GTF2F2: variants seen among roughly 807,000 people sequenced by gnomAD.
GTF2F2 encodes ATP-dependent helicase GTF2F2.
GTF2F2 carries 23 observed loss-of-function variants against 42.2 expected under a neutral mutation model. The observed-to-expected ratio is 0.55, with a 90% confidence interval of 0.39 to 0.77. The LOEUF (loss-of-function observed/expected upper bound fraction) is 0.77. Among genes scored for constraint, GTF2F2 ranks in the 30% least tolerant of loss-of-function variants. The pLI, the probability that GTF2F2 is intolerant of heterozygous loss-of-function variation, is 0.00. For missense variants in GTF2F2, 261 were observed against 287.2 expected, an observed-to-expected ratio of 0.91 and a Z score of 0.66; for synonymous variants, 105 against 100.8, an observed-to-expected ratio of 1.04 and a Z score of -0.25.
intron 1 of GTF2F2, among the ~76,000 whole-genome samples, chr13:45,126,591 G>T (rs1022946274): frequency 5.3e-5 from 8 of 152,180 alleles, no homozygotes; most frequent in Non-Finnish European, 4.4e-5. Context: ...GAGTGAATGG[G>T]TGGGCAGATT....
At chr13:45,160,873 A>G (rs777881797) in intron 4 of GTF2F2, among the ~76,000 whole-genome samples, 2 of 152,042 alleles carry the variant, frequency 1.3e-5, no homozygotes, top group Non-Finnish European at 2.9e-5. Flanking sequence ...CATTCTTTCA[A>G]GTAACAATGA....
At chr13:45,198,611 C>T (rs979682343) in intron 4 of GTF2F2, among the ~76,000 whole-genome samples, 5 of 152,120 alleles carry the variant, frequency 3.3e-5, no homozygotes, top group Admixed American at 6.5e-5. Flanking sequence ...ATTCCCATTA[C>T]CTTAGAAAGA....
At chr13:45,207,213 T>TA (rs941660613) in intron 4 of GTF2F2, 9 of 477,042 alleles carry the variant, frequency 1.9e-5, no homozygotes, top group African/African-American at 1.7e-4. Context: ...AGCAGCCTAA[T>TA]AAACAAATCT....
At chr13:45,262,434 T>C (rs922500366) in intron 6 of GTF2F2, among the ~76,000 whole-genome samples, 1 of 152,208 alleles carries the variant, frequency 6.6e-6, no homozygotes, top group African/African-American at 2.4e-5. Context: ...GTTAAATCTT[T>C]AATTTATTTT....
intron 4 of GTF2F2, among the ~76,000 whole-genome samples, chr13:45,191,930 A>T (rs1872675498): frequency 6.6e-6 from 1 of 152,156 alleles, no homozygotes; most frequent in Non-Finnish European, 1.5e-5. Flanking sequence ...AGATCTGTTC[A>T]GCTATATCTC....
At chr13:45,149,918 A>G (rs9534044) in intron 3 of GTF2F2, 130 bp downstream of exon 3, 153,761 of 813,572 alleles carry the variant, frequency 0.19, 16,499 homozygotes, top group Non-Finnish European at 0.21. Flanking sequence ...AGAACACATA[A>G]AGGTATAAAT....
intron 4 of GTF2F2, among the ~76,000 whole-genome samples, chr13:45,189,361 A>G (rs1332731635): frequency 2.6e-5 from 4 of 152,174 alleles, no homozygotes; most frequent in Admixed American, 1.3e-4. Context: ...CGCAATAAAC[A>G]TACGTGTGCA....
At chr13:45,237,844 T>C (rs1054728102) in intron 5 of GTF2F2, among the ~76,000 whole-genome samples, 2 of 152,374 alleles carry the variant, frequency 1.3e-5, no homozygotes, top group Middle Eastern at 3.4e-3. Context: ...TATTGAGTTA[T>C]AAACATTACT....
chr13:45,248,433 T>C (rs1283290432), intron 5 of GTF2F2, among the ~76,000 whole-genome samples: 2 of 151,996 alleles, frequency 1.3e-5, no homozygotes, highest in African/African-American at 4.8e-5. Flanking sequence ...TTTTGTTTTT[T>C]GTTTTTTTGT....
intron 3 of GTF2F2, among the ~76,000 whole-genome samples, chr13:45,150,706 G>C (rs1237958409): frequency 7.7e-6 from 1 of 129,620 alleles, no homozygotes; most frequent in Non-Finnish European, 1.6e-5. Context: ...GTCATGCCCG[G>C]CTAATTTTTG....
intron 6 of GTF2F2, among the ~76,000 whole-genome samples, chr13:45,254,346 A>T (rs1566152367): frequency 6.6e-6 from 1 of 152,228 alleles, no homozygotes; most frequent in Admixed American, 6.5e-5. Context: ...GGTGTCTTGC[A>T]ACATATCTCC....
chr13:45,218,027 A>G (rs1460387574), intron 5 of GTF2F2, among the ~76,000 whole-genome samples: 1 of 152,378 alleles, frequency 6.6e-6, no homozygotes, highest in South Asian at 2.1e-4. Flanking sequence ...TACCTGTTCA[A>G]GTAATTTGAG....
At chr13:45,243,022 T>C (rs1875396554) in intron 5 of GTF2F2, among the ~76,000 whole-genome samples, 1 of 152,142 alleles carries the variant, frequency 6.6e-6, no homozygotes, top group South Asian at 2.1e-4. Context: ...TACACAGTAA[T>C]TTGCAAATTA....
chr13:45,148,714 A>G (rs992275475), intron 2 of GTF2F2, among the ~76,000 whole-genome samples: 1 of 152,188 alleles, frequency 6.6e-6, no homozygotes, highest in Non-Finnish European at 1.5e-5. Context: ...GGGTTAACTC[A>G]GTACTTTGCA....
intron 4 of GTF2F2, among the ~76,000 whole-genome samples, chr13:45,187,037 G>A (rs926121968): frequency 6.6e-6 from 1 of 152,144 alleles, no homozygotes; most frequent in Admixed American, 6.6e-5. Flanking sequence ...AACCTGTCAT[G>A]GTTTTAGGTT....
At chr13:45,147,279 A>G (rs182090646) in intron 2 of GTF2F2, among the ~76,000 whole-genome samples, 2 of 152,340 alleles carry the variant, frequency 1.3e-5, no homozygotes, top group Admixed American at 6.5e-5. Flanking sequence ...AGCTGCTTCA[A>G]GCTGTCTTTA....
rs1555269186 is a variant in GTF2F2 at position 45,212,447 on chromosome 13, G to GTTTCTTTCTTTCTTTTCTTTTCTTTTCTC, written c.386+4957_386+4958insTCTTTTCTTTTCTCTTTCTTTCTTTCTTT. Among the ~76,000 whole-genome samples the GTTTCTTTCTTTCTTTTCTTTTCTTTTCTC allele has an allele frequency of 3.3e-4, 15 of 45,684 alleles. 1 individual carries two copies. The highest frequency in any genetic ancestry group is 1.3e-3 in the African/African-American group (14 of 10,482). 30.0% of individuals were successfully genotyped at this position (45,684 alleles called of 152,430 possible). A position where few individuals can be genotyped will look rare whatever the true frequency, so the allele number is the denominator to read the frequency against. ...TGATTTCTTTCTTTCTTTCTTTCTT[G>GTTTCTTTCTTTCTTTTCTTTTCTTTTCTC]TTTCTTTCTTTCTTTCTTTCTTTCT... On this transcript the variant is annotated intron_variant, in intron 5 of 7. Transcript: ENST00000340473.
rs139122976 is a variant in GTF2F2, at chr13:45,276,124, A to G, written c.631-7318A>G. ...TATGTTCAGTACAAATGCATTAAGA[A>G]AAGAATCAGAAGATTTTTGATCTGC... is the stretch of plus-strand genomic sequence containing the variant. On this transcript the variant is annotated intron_variant, in intron 7 of 7. Transcript: ENST00000340473. Among the ~76,000 whole-genome samples, 903 of 152,362 alleles carry G rather than the reference A, an allele frequency of 5.9e-3. 9 individuals carry two copies. Among genetic ancestry groups the G allele is most frequent in the South Asian group, 0.018 (86 of 4,830 alleles).
chr13:45,175,884 A>G (rs1871856409), intron 4 of GTF2F2, among the ~76,000 whole-genome samples: 1 of 152,188 alleles, frequency 6.6e-6, no homozygotes, highest in African/African-American at 2.4e-5. Context: ...TCGGCCTCCC[A>G]AAGTGTTGGA....
Sources: gnomAD v4.1 joint callset for allele counts (sites outside exome capture counted in the v4.1 genomes callset) on GRCh38, gnomAD v4.1.1 for gene constraint, MANE v1.5 for transcripts, NCBI Gene and HGNC (gene_info 2026-07-23, HGNC 2026-07-21) for gene names.